The following ODF2L variants were observed in gnomAD, a reference collection of about 807,000 sequenced individuals.
ODF2L encodes protein BCAP.
A neutral mutation model predicts 86.3 loss-of-function variants in ODF2L; 76 were observed. The ratio of observed to expected loss-of-function variants is 0.88; its 90% CI spans 0.73 to 1.07. ODF2L has a LOEUF of 1.07. Among genes scored for constraint, ODF2L ranks in the 50% least tolerant of loss-of-function variants. The probability of loss-of-function intolerance (pLI) is 0.00; values close to 1 mark genes in which losing one functional copy is unlikely to be tolerated. For synonymous variants in ODF2L, 241 were observed against 231.3 expected, an observed-to-expected ratio of 1.04 and a Z score of -0.38; for missense variants, 748 against 717.4, an observed-to-expected ratio of 1.04 and a Z score of -0.49.
Position 86,380,976 on chromosome 1 carries a change from C to T in ODF2L, c.624+1266G>A, listed in dbSNP as rs538679662. 3.0e-4 allele frequency among the ~76,000 whole-genome samples: 45 copies of T among 150,148 alleles called. No homozygotes were observed. The South Asian group carries it at 8.0e-3, about 27-fold the overall frequency. On this transcript the variant is annotated intron_variant, in intron 7 of 17. Transcript: ENST00000317336. ...ACTCAAAAAAAAAACAACACAAAAA[C>T]GAAACAAAAAAAAACCACTGTCAAA...
At chr1:86,388,438 G>A (rs1260686614) in intron 1 of ODF2L, among the ~76,000 whole-genome samples, 1 of 151,914 alleles carries the variant, frequency 6.6e-6, no homozygotes, top group Admixed American at 6.6e-5. Context: ...TCTCTCTGTG[G>A]ACTGGAATCT....
Position 86,383,137 on chromosome 1 carries a change from A to AT in ODF2L, c.431dup (p.Asn144LysfsTer3). On this transcript the variant is annotated frameshift_variant, in exon 5 of 18. Transcript: ENST00000317336. LOFTEE classifies it high-confidence loss of function. ...AAGTAAGTGTGGAAAGACTTACAGT[A>AT]TTTTCACTTTCATTATCAGTTAGAT... is the stretch of plus-strand genomic sequence containing the variant. 6.4e-7 allele frequency: 1 copy of AT among 1,551,664 alleles called. No individual in the cohort carries two copies. Among genetic ancestry groups the AT allele is most frequent in the Non-Finnish European group, 8.8e-7 (1 of 1,131,670 alleles).
chr1:86,361,145 G>T (rs1282010732), intron 11 of ODF2L, among the ~76,000 whole-genome samples: 2 of 152,160 alleles, frequency 1.3e-5, no homozygotes, highest in Non-Finnish European at 2.9e-5. Flanking sequence ...TTCCTTGCAA[G>T]CTTACTAGTT....
At chr1:86,358,818 A>G in exon 13 of ODF2L, 1 of 1,520,740 alleles carries the variant, frequency 6.6e-7, no homozygotes, top group Non-Finnish European at 8.9e-7. Context: ...GGTTTTTGTT[A>G]TTTGGTTATT....
At chr1:86,356,408 A>G in intron 14 of ODF2L, 36 bp downstream of exon 13, 5 of 1,550,802 alleles carry the variant, frequency 3.2e-6, no homozygotes, top group Non-Finnish European at 4.4e-6. Context: ...CATTCTTTTA[A>G]CGCATCTAGC....
At position 86,352,998 on chromosome 1, in the gene ODF2L, C is replaced by T; in HGVS notation, c.1768-14G>A. 1 of 1,466,538 alleles carries T rather than the reference C, an allele frequency of 6.8e-7. No individual in the cohort carries two copies. Among genetic ancestry groups the T allele is most frequent in the Non-Finnish European group, 9.4e-7 (1 of 1,065,560 alleles). The allele number at this position is 1,466,538 out of a possible 1,614,324, so 90.8% of individuals were successfully genotyped here. ...TTCTTCAGCAACCTGTAATTTTTAT[C>T]AAAAGAGTAAAATAAAGTGCTTTCT... On this transcript the variant is annotated splice_polypyrimidine_tract_variant and intron_variant, in intron 16 of 17. Transcript: ENST00000317336.
intron 1 of ODF2L, among the ~76,000 whole-genome samples, chr1:86,391,682 G>T (rs773679413): frequency 1.3e-5 from 2 of 152,048 alleles, no homozygotes; most frequent in Non-Finnish European, 2.9e-5. Flanking sequence ...AACGCAAGAT[G>T]GATCAAAGAC....
chr1:86,348,350 C>T (rs551611688), downstream of ODF2L: 5 of 151,428 alleles, frequency 3.3e-5, no homozygotes, highest in Admixed American at 3.3e-4. Flanking sequence ...GAATATTTTA[C>T]ATTTATATAT....
At chr1:86,365,544 C>T (rs1331788532) in intron 11 of ODF2L, among the ~76,000 whole-genome samples, 1 of 152,200 alleles carries the variant, frequency 6.6e-6, no homozygotes, top group Non-Finnish European at 1.5e-5. Context: ...TGTGCCCTAT[C>T]AGAGAGAATT....
intron 16 of ODF2L, 51 bp from the exon 16 acceptor site, chr1:86,353,035 T>A: frequency 8.4e-7 from 1 of 1,188,470 alleles, no homozygotes; most frequent in East Asian, 2.4e-5. Flanking sequence ...TAAAATATGA[T>A]TTAAAGCCTT....
intron 2 of ODF2L, chr1:86,386,166 A>G (rs1485549348): frequency 6.6e-6 from 1 of 152,228 alleles, no homozygotes; most frequent in African/African-American, 2.4e-5. Context: ...ATATACTAAG[A>G]TTGCCATTTG....
intron 7 of ODF2L, among the ~76,000 whole-genome samples, chr1:86,380,447 C>G (rs1339401008): frequency 6.6e-6 from 1 of 152,096 alleles, no homozygotes; most frequent in Non-Finnish European, 1.5e-5. Flanking sequence ...GTTGTCATTC[C>G]TCTAAAAGTC....
At chr1:86,385,522 G>A in exon 3 of ODF2L, 1 of 1,605,570 alleles carries the variant, frequency 6.2e-7, no homozygotes. Flanking sequence ...TACAGAATGA[G>A]TTACCAACTC....
chr1:86,372,933 T>A (rs1297584781), intron 8 of ODF2L, among the ~76,000 whole-genome samples: 4 of 151,996 alleles, frequency 2.6e-5, no homozygotes, highest in African/African-American at 9.7e-5. Context: ...TGCAAAAGCA[T>A]AAGATTGATA....
chr1:86,384,659 T>C lies in ODF2L; in HGVS notation c.372+17A>G. On this transcript the variant is annotated intron_variant, in intron 4 of 17. Coordinates refer to ENST00000317336, the Ensembl canonical transcript of ODF2L. Reference sequence around the variant, plus strand: ...AAATATCACTATTAAAATGAGTGCTTAGTGTTGATGCCTTACTTGTTTGTA... The same window carrying C: ...AAATATCACTATTAAAATGAGTGCTCAGTGTTGATGCCTTACTTGTTTGTA... 7.1e-7 allele frequency: 1 copy of C among 1,398,964 alleles called. No homozygotes were observed. 86.7% of individuals were successfully genotyped at this position (1,398,964 alleles called of 1,614,324 possible). A position where few individuals can be genotyped will look rare whatever the true frequency, so the allele number is the denominator to read the frequency against.
intron 12 of ODF2L, among the ~76,000 whole-genome samples, chr1:86,360,018 T>C (rs1658920097): frequency 6.6e-6 from 1 of 152,256 alleles, no homozygotes; most frequent in South Asian, 2.1e-4. Flanking sequence ...TTCATGTGAA[T>C]AATCTGAATT....
At chr1:86,360,618 T>C (rs763352363) in intron 11 of ODF2L, 82 bp from the exon 11 acceptor site, 1 of 606,408 alleles carries the variant, frequency 1.6e-6, no homozygotes, top group Non-Finnish European at 2.9e-6. Flanking sequence ...AAAACATAAC[T>C]CATGTATTAA....
intron 12 of ODF2L, 58 bp downstream of exon 11, chr1:86,360,368 A>G (rs1429925572): frequency 9.1e-6 from 7 of 765,182 alleles, no homozygotes; most frequent in African/African-American, 3.5e-5. Context: ...TTACAAAGAA[A>G]TAGTGTTTTA....
chr1:86,348,181 G>A (rs781503134), downstream of ODF2L: 13 of 152,002 alleles, frequency 8.6e-5, no homozygotes, highest in Non-Finnish European at 1.8e-4. Context: ...TTAGCAGTTG[G>A]TACTTAATAG....
Sources: allele counts gnomAD v4.1 joint callset (sites outside exome capture counted in the v4.1 genomes callset), GRCh38; gene constraint gnomAD v4.1.1; transcripts MANE v1.5; gene names NCBI Gene and HGNC (gene_info 2026-07-23, HGNC 2026-07-21).